Variants in ZNF365 observed in about 807,000 individuals in gnomAD.
The protein encoded by ZNF365 is zinc finger protein 365, also known as protein ZNF365.
In ZNF365, 22 loss-of-function variants were observed where a neutral mutation model predicts 35.0. The ratio of observed to expected loss-of-function variants is 0.63; its 90% CI spans 0.45 to 0.90. ZNF365 has a LOEUF of 0.90. Ranked by LOEUF, ZNF365 falls within the 40% of genes least tolerant of loss-of-function variation. The pLI is 0.00. For missense variants in ZNF365, 448 were observed against 500.3 expected, an observed-to-expected ratio of 0.90 and a Z score of 1.00; for synonymous variants, 188 against 196.2, an observed-to-expected ratio of 0.96 and a Z score of 0.35.
At chr10:62,472,469 G>T (rs1348073242) in intron 4 of ZNF365, among the ~76,000 whole-genome samples, 2 of 152,116 alleles carry the variant, frequency 1.3e-5, no homozygotes, top group Non-Finnish European at 2.9e-5. Flanking sequence ...TTCTTAAAAA[G>T]GGAGAAATTT....
intron 4 of ZNF365, among the ~76,000 whole-genome samples, chr10:62,478,645 C>G (rs1841171527): frequency 6.6e-6 from 1 of 152,232 alleles, no homozygotes; most frequent in Non-Finnish European, 1.5e-5. Context: ...ACTATCTCCG[C>G]TCACTGCAAG....
chr10:62,395,021 G>A (rs1027936907), intron 3 of ZNF365, among the ~76,000 whole-genome samples: 1 of 152,136 alleles, frequency 6.6e-6, no homozygotes, highest in Non-Finnish European at 1.5e-5. Flanking sequence ...AGAGAGTGGG[G>A]AGTAGAGTCA....
chr10:62,394,318 T>C (rs527577059), intron 3 of ZNF365, among the ~76,000 whole-genome samples: 1 of 152,200 alleles, frequency 6.6e-6, no homozygotes, highest in African/African-American at 2.4e-5. Flanking sequence ...GTTAGCACTA[T>C]GTAAAATTAT....
chr10:62,455,717 G>T (rs764366640), intron 3 of ZNF365, among the ~76,000 whole-genome samples: 25 of 152,162 alleles, frequency 1.6e-4, no homozygotes, highest in South Asian at 4.2e-4. Flanking sequence ...CACATGCTGG[G>T]CACAAAATAT....
At chr10:62,428,551 C>T (rs1013318722) in intron 3 of ZNF365, among the ~76,000 whole-genome samples, 1 of 152,106 alleles carries the variant, frequency 6.6e-6, no homozygotes, top group Non-Finnish European at 1.5e-5. Context: ...CTCCCCAGCC[C>T]TGTGGAACTG....
intron 3 of ZNF365, among the ~76,000 whole-genome samples, chr10:62,414,535 C>T (rs544477496): frequency 6.6e-6 from 1 of 152,254 alleles, no homozygotes; most frequent in East Asian, 1.9e-4. Context: ...TACAAGTTTT[C>T]AGCTCCATTT....
intron 2 of ZNF365, among the ~76,000 whole-genome samples, chr10:62,383,374 T>G (rs1293079620): frequency 1.3e-5 from 2 of 152,190 alleles, no homozygotes; most frequent in Non-Finnish European, 2.9e-5. Context: ...TGGGCATGTG[T>G]CTGAGAATAC....
Position 62,399,890 on chromosome 10 carries a change from A to G in ZNF365, c.*101A>G. Reference sequence around the variant, plus strand: ...CTGGAAACATTCCATAGTAAGACACATTGGAAAAGCCAAGGGCATAACACA... The same window carrying G: ...CTGGAAACATTCCATAGTAAGACACGTTGGAAAAGCCAAGGGCATAACACA... On this transcript the variant is annotated 3_prime_UTR_variant, in exon 5 of 5. Transcript: ENST00000395254. 3 of 1,456,570 alleles carry G rather than the reference A, an allele frequency of 2.1e-6. No individual in the cohort carries two copies. Among genetic ancestry groups the G allele is most frequent in the Non-Finnish European group, 9.1e-7 (1 of 1,103,466 alleles). 90.2% of individuals were successfully genotyped at this position (1,456,570 alleles called of 1,614,324 possible).
chr10:62,473,774 T>C (rs925948697), intron 4 of ZNF365, among the ~76,000 whole-genome samples: 1 of 152,134 alleles, frequency 6.6e-6, no homozygotes, highest in Non-Finnish European at 1.5e-5. Context: ...TGGCAGCAAG[T>C]TGAAGAAAAC....
At position 62,399,625 on chromosome 10, in the gene ZNF365, A is replaced by G. The variant is rs376568719; in HGVS notation, c.1060A>G (p.Arg354Gly). 2.5e-5 allele frequency: 41 copies of G among 1,614,116 alleles called. No individual in the cohort carries two copies. Among genetic ancestry groups the G allele is most frequent in the Non-Finnish European group, 3.4e-5 (40 of 1,180,046 alleles). The part of the protein sequence containing the change: ...RNHLKKAKDD[R>G]ASMQPAKAIH... ...CCACCTGAAAAAGGCCAAGGATGAC[A>G]GAGCCAGCATGCAGCCTGCCAAGGC... is the stretch of plus-strand genomic sequence containing the variant. Residue 354 changes from arginine (R) to glycine (G), a missense_variant, in exon 5 of 5, where the codon AGA becomes GGA. By Grantham distance (125) the Arg-to-Gly change is moderately radical. Around this residue, in one of 3 missense-constraint regions of ZNF365, gnomAD observed 362 missense variants for 375.7 expected, o/e 0.96. Transcript: ENST00000395254.
chr10:62,410,078 C>T (rs1015081485), intron 3 of ZNF365, among the ~76,000 whole-genome samples: 3 of 152,126 alleles, frequency 2.0e-5, no homozygotes, highest in African/African-American at 7.2e-5. Flanking sequence ...TTTTCAACAG[C>T]ACTGACTTCT....
chr10:62,384,835 A>G (rs1402546963), intron 2 of ZNF365, among the ~76,000 whole-genome samples: 1 of 152,186 alleles, frequency 6.6e-6, no homozygotes, highest in African/African-American at 2.4e-5. Context: ...CTTTGAATGG[A>G]TATTTTATTG....
rs75133159 is a variant in ZNF365, at chr10:62,476,783, A to T, written c.982-3093A>T. Among the ~76,000 whole-genome samples the T allele has an allele frequency of 9.7e-3, 1,479 of 152,352 alleles. 21 individuals carry two copies. The highest frequency in any genetic ancestry group is 0.034 in the African/African-American group (1,413 of 41,578). On this transcript the variant is annotated intron_variant, in intron 4 of 4. Coordinates refer to the ZNF365 transcript ENST00000395255. ...GAAGCAGCCTTATTCTATGTCATGA[A>T]TGCTGTCTCTCATCACTGTTTGAAT...
chr10:62,419,103 A>G (rs1840126100), intron 3 of ZNF365, among the ~76,000 whole-genome samples: 1 of 152,126 alleles, frequency 6.6e-6, no homozygotes, highest in African/African-American at 2.4e-5. Flanking sequence ...CTAATGAAAG[A>G]AAATCTAAAA....
chr10:62,442,623 C>T (rs1350491533), intron 3 of ZNF365, among the ~76,000 whole-genome samples: 1 of 152,168 alleles, frequency 6.6e-6, no homozygotes, highest in Non-Finnish European at 1.5e-5. Context: ...TCCTCCTGGC[C>T]TTCTTCCTTT....
chr10:62,414,226 A>T (rs1024181595), intron 3 of ZNF365, among the ~76,000 whole-genome samples: 1 of 151,636 alleles, frequency 6.6e-6, no homozygotes, highest in African/African-American at 2.4e-5. Context: ...CTTAGACAGA[A>T]TCTCTTTCTG....
intron 4 of ZNF365, among the ~76,000 whole-genome samples, chr10:62,478,470 A>G (rs1277621144): frequency 1.3e-5 from 2 of 152,212 alleles, no homozygotes; most frequent in African/African-American, 4.8e-5. Flanking sequence ...GCTACATCTC[A>G]AGAAAGAATT....
chr10:62,430,958 T>C (rs1840325410), intron 3 of ZNF365, among the ~76,000 whole-genome samples: 1 of 152,230 alleles, frequency 6.6e-6, no homozygotes, highest in African/African-American at 2.4e-5. Flanking sequence ...TCTAATACTA[T>C]CATTTTGTGG....
rs760302065 is a variant in ZNF365 at position 62,399,596 on chromosome 10, G to A, written c.1031G>A (p.Arg344Lys). 1.9e-6 allele frequency: 3 copies of A among 1,614,160 alleles called. No individual in the cohort carries two copies. Among genetic ancestry groups the A allele is most frequent in the Non-Finnish European group, 2.5e-6 (3 of 1,180,036 alleles). ...DLKAHFHPKG[R>K]NHLKKAKDDR... ...AAGGCCCATTTCCACCCAAAGGGAA[G>A]GAACCACCTGAAAAAGGCCAAGGAT... Residue 344 changes from arginine to lysine, a missense_variant, in exon 5 of 5, where the codon AGG (arginine) becomes AAG (lysine). Physicochemically the swap from Arg to Lys is conservative, Grantham distance 26. Around this residue, in one of 3 missense-constraint regions of ZNF365, gnomAD observed 362 missense variants for 375.7 expected, o/e 0.96. Transcript: ENST00000395254.
Sources: allele counts gnomAD v4.1 joint callset (sites outside exome capture counted in the v4.1 genomes callset), GRCh38; gene constraint gnomAD v4.1.1; regional missense constraint gnomAD v4.1.1; transcripts MANE v1.5; gene names NCBI Gene and HGNC (gene_info 2026-07-23, HGNC 2026-07-21).